The following AGO1 variants were observed in gnomAD, a reference collection of about 807,000 sequenced individuals.
The protein encoded by AGO1 is protein argonaute-1.
AGO1 carries 11 observed loss-of-function variants against 109.2 expected under a neutral mutation model. The observed-to-expected ratio is 0.10, with a 90% confidence interval of 0.06 to 0.17. The LOEUF (loss-of-function observed/expected upper bound fraction) is 0.17, where lower values mean the gene tolerates loss of function less well. Ranked by LOEUF, AGO1 falls within the 10% of genes least tolerant of loss-of-function variation. AGO1 has a pLI of 1.00. For missense variants in AGO1, 574 were observed against 1,140.3 expected, an observed-to-expected ratio of 0.50 and a Z score of 7.15; for synonymous variants, 422 against 418.6, an observed-to-expected ratio of 1.01 and a Z score of -0.10.
Position 35,923,125 on chromosome 1 carries a change from G to C in AGO1, c.*3518G>C, listed in dbSNP as rs1440747757. On this transcript the variant is annotated 3_prime_UTR_variant, in exon 19 of 19. Coordinates refer to ENST00000373204, the MANE Select transcript of AGO1 (RefSeq NM_012199.5). ...ATCGAGGTGCTACACTGGCCTCCAG[G>C]GATAAGCCTGGGGCTACTGTTGCTG... The C allele has an allele frequency of 2.0e-5, 3 of 152,256 alleles. No individual in the cohort carries two copies. The East Asian group carries it at 5.8e-4, about 29-fold the overall frequency. The allele number at this position is 152,256 out of a possible 1,614,324, so 9.4% of individuals were successfully genotyped here. A position where few individuals can be genotyped will look rare whatever the true frequency, so the allele number is the denominator to read the frequency against.
Position 35,915,205 on chromosome 1 carries a change from TAG to T in AGO1, c.1834-139_1834-138del, listed in dbSNP as rs1334811199. The T allele has an allele frequency of 7.5e-5, 47 of 629,750 alleles. No homozygotes were observed. In the East Asian group the frequency reaches 1.3e-3, roughly 17 times the overall value. 39.0% of individuals were successfully genotyped at this position (629,750 alleles called of 1,614,324 possible). A position where few individuals can be genotyped will look rare whatever the true frequency, so the allele number is the denominator to read the frequency against. On this transcript the variant is annotated intron_variant, in intron 14 of 18. Coordinates refer to ENST00000373204, the MANE Select transcript of AGO1 (RefSeq NM_012199.5). ...AGTAACTTCTGCTTGTGTGATAGAATAGAGATTGAAACCAGGGCTCACTGAGT... is the reference window on the plus strand; with the variant it reads ...AGTAACTTCTGCTTGTGTGATAGAATAGATTGAAACCAGGGCTCACTGAGT...
Position 35,918,316 on chromosome 1 carries a change from A to G in AGO1, c.2164-6A>G, listed in dbSNP as rs1371255235. ...TGGGATCTTGGTTGTGTTTGTCTCT[A>G]TACAGATTGGGAAGAGTGGTAACAT... On this transcript the variant is annotated splice_polypyrimidine_tract_variant and splice_region_variant and intron_variant, in intron 16 of 18. Transcript: ENST00000373204. The G allele has an allele frequency of 3.1e-6, 5 of 1,610,846 alleles. No individual in the cohort carries two copies. Among genetic ancestry groups the G allele is most frequent in the Middle Eastern group, 1.6e-4 (1 of 6,078 alleles).
chr1:35,896,158 C>T (rs1310098469), intron 8 of AGO1, among the ~76,000 whole-genome samples: 1 of 152,112 alleles, frequency 6.6e-6, no homozygotes, highest in East Asian at 1.9e-4. Context: ...CGCCACCACA[C>T]CCAGCTAATT....
In AGO1 at chr1:35,906,978, A is replaced by T; in HGVS notation, c.1441A>T (p.Met481Leu). Residue 481 changes from methionine (M) to leucine (L), a missense_variant, in exon 12 of 19, where the codon ATG (methionine) becomes TTG (leucine). By Grantham distance (15) the Met-to-Leu change is conservative. This residue lies in a region of AGO1 where 106 missense variants were observed against 147.8 expected (regional missense o/e 0.72). Coordinates refer to ENST00000373204, the MANE Select transcript of AGO1 (RefSeq NM_012199.5). ...QLRKISKDAGMPIQGQPCFCK... is the reference protein window; with the variant it reads ...QLRKISKDAGLPIQGQPCFCK... ...GCGGAAGATTTCCAAGGATGCGGGG[A>T]TGCCTATCCAGGGTCAACCTTGTTT... 6.2e-7 allele frequency: 1 copy of T among 1,614,086 alleles called. No individual in the cohort carries two copies. Among genetic ancestry groups the T allele is most frequent in the Non-Finnish European group, 8.5e-7 (1 of 1,179,998 alleles).
chr1:35,912,903 A>G (rs949860308), intron 12 of AGO1, among the ~76,000 whole-genome samples: 2 of 151,942 alleles, frequency 1.3e-5, no homozygotes, highest in African/African-American at 4.8e-5. Context: ...CTGGAAACTT[A>G]AAAGTTATCC....
chr1:35,876,239 A>G (rs1364672450), intron 1 of AGO1, among the ~76,000 whole-genome samples: 2 of 151,922 alleles, frequency 1.3e-5, no homozygotes, highest in Admixed American at 6.6e-5. Flanking sequence ...ACTTGAACAG[A>G]TGAGGAAATC....
In AGO1 at chr1:35,883,971, C is replaced by A. The variant is rs961880616; in HGVS notation, c.25+525C>A. 6.6e-6 allele frequency among the ~76,000 whole-genome samples: 1 copy of A among 152,182 alleles called. No individual in the cohort carries two copies. Among genetic ancestry groups the A allele is most frequent in the African/African-American group, 2.4e-5 (1 of 41,460 alleles). ...GGGTGGGGACCCAGTCCCGGGATTA[C>A]CCCCCGTGGGTCTGGGGAGTCGGAG... On this transcript the variant is annotated intron_variant, in intron 1 of 18. Coordinates refer to ENST00000373204, the MANE Select transcript of AGO1 (RefSeq NM_012199.5). The surrounding 1 kb of genome is among the most constrained non-coding windows in gnomAD (Gnocchi z 5.4).
Position 35,930,077 on chromosome 1 carries a change from A to C in AGO1, c.*10470A>C, listed in dbSNP as rs1353187187. 6.6e-6 allele frequency: 1 copy of C among 152,194 alleles called. No homozygotes were observed. The highest frequency in any genetic ancestry group is 1.5e-5 in the Non-Finnish European group (1 of 68,024). 9.4% of individuals were successfully genotyped at this position (152,194 alleles called of 1,614,324 possible). A position where few individuals can be genotyped will look rare whatever the true frequency, so the allele number is the denominator to read the frequency against. On this transcript the variant is annotated 3_prime_UTR_variant, in exon 19 of 19. Coordinates refer to ENST00000373204, the MANE Select transcript of AGO1 (RefSeq NM_012199.5). ...TATGAATGATTCCTCAGCCTGAATA[A>C]AATAGTATGTTTCATTAAGGCAACA...
Position 35,921,613 on chromosome 1 carries a change from C to T in AGO1, c.*2006C>T, listed in dbSNP as rs1180986599. 1.3e-5 allele frequency: 2 copies of T among 152,704 alleles called. No homozygotes were observed. The highest frequency in any genetic ancestry group is 4.8e-5 in the African/African-American group (2 of 41,464). 9.5% of individuals were successfully genotyped at this position (152,704 alleles called of 1,614,324 possible). A position where few individuals can be genotyped will look rare whatever the true frequency, so the allele number is the denominator to read the frequency against. The stretch of plus-strand genomic sequence containing the variant: ...CCTGTAGAGTTAGAACTACCATTTC[C>T]TCCCCTTAGCTGCCCTTGTATGACC... On this transcript the variant is annotated 3_prime_UTR_variant, in exon 19 of 19. Transcript: ENST00000373204.
upstream of AGO1, among the ~76,000 whole-genome samples, chr1:35,879,381 G>A (rs901103631): frequency 1.3e-5 from 2 of 152,062 alleles, no homozygotes; most frequent in African/African-American, 4.8e-5. Flanking sequence ...CCGGGAGGTG[G>A]AAGTTACTGT....
rs112435049 is a variant in AGO1, at chr1:35,884,464, A to G, written c.25+1018A>G. ...AGTGATGGGGGCTTTTAATCCAAAG[A>G]TTTTCCATTGAATTGTCTGTTAAGG... On this transcript the variant is annotated intron_variant, in intron 1 of 18. Transcript: ENST00000373204. Among the ~76,000 whole-genome samples, 13 of 152,098 alleles carry G rather than the reference A, an allele frequency of 8.5e-5. 2 individuals are homozygous for G. The highest frequency in any genetic ancestry group is 2.9e-4 in the African/African-American group (12 of 41,468).
chr1:35,910,291 C>T (rs560593630), intron 12 of AGO1, among the ~76,000 whole-genome samples: 3 of 151,746 alleles, frequency 2.0e-5, no homozygotes, highest in South Asian at 2.1e-4. Context: ...GCCCTGAGAG[C>T]GTAGAAGGAC....
At chr1:35,882,955 T>C, upstream of AGO1, 1 of 966,100 alleles carries the variant, frequency 1.0e-6, no homozygotes, top group Non-Finnish European at 1.2e-6. The surrounding 1 kb of genome is among the most constrained non-coding windows in gnomAD (Gnocchi z 5.1). Context: ...GGGACCTATT[T>C]GGGGAAAAGA....
rs144019442 is a variant in AGO1 at position 35,897,087 on chromosome 1, A to AG, written c.1020+1819dup. Among the ~76,000 whole-genome samples, 1,017 of 152,338 alleles carry AG rather than the reference A, an allele frequency of 6.7e-3. 8 individuals are homozygous for AG. Among genetic ancestry groups the AG allele is most frequent in the African/African-American group, 0.023 (965 of 41,566 alleles). On this transcript the variant is annotated intron_variant, in intron 8 of 18. Transcript: ENST00000373204. Reference sequence around the variant, plus strand: ...CTAGGAACATGGAGATTAACAAGACAGACAAGGTCCCAGCTGTTATGGAGC... The same window carrying AG: ...CTAGGAACATGGAGATTAACAAGACAGGACAAGGTCCCAGCTGTTATGGAGC...
At chr1:35,870,415 C>T (rs557997909) in intron 1 of AGO1, among the ~76,000 whole-genome samples, 1 of 152,230 alleles carries the variant, frequency 6.6e-6, no homozygotes, top group Admixed American at 6.5e-5. Context: ...TCCCGAGTAG[C>T]TGGGACTATA....
Position 35,893,357 on chromosome 1 carries a change from G to A in AGO1, c.512+79G>A. ...GGGAGGAGGGGGAGCACATATTAAG[G>A]TCCCACAGAGTGCCATTAAAAAAAA... On this transcript the variant is annotated intron_variant, in intron 4 of 18. Transcript: ENST00000373204. The surrounding 1 kb of genome is among the most constrained non-coding windows in gnomAD (Gnocchi z 5.6). 1 of 1,456,640 alleles carries A rather than the reference G, an allele frequency of 6.9e-7. No homozygotes were observed. Among genetic ancestry groups the A allele is most frequent in the African/African-American group, 1.4e-5 (1 of 70,410 alleles). The allele number at this position is 1,456,640 out of a possible 1,614,324, so 90.2% of individuals were successfully genotyped here.
intron 1 of AGO1, among the ~76,000 whole-genome samples, chr1:35,885,706 G>A (rs1195060123): frequency 6.6e-6 from 1 of 152,238 alleles, no homozygotes; most frequent in Admixed American, 6.5e-5. Flanking sequence ...GTGCTCAGGT[G>A]TGTTCCAAGC....
chr1:35,872,575 C>CT (rs1280124655), intron 1 of AGO1, among the ~76,000 whole-genome samples: 7 of 150,462 alleles, frequency 4.7e-5, no homozygotes, highest in South Asian at 2.1e-4. Flanking sequence ...TATTTCTATT[C>CT]TTTTTTTTTC....
At chr1:35,883,118 C>T (rs1425251322), upstream of AGO1, 1 of 1,089,096 alleles carries the variant, frequency 9.2e-7, no homozygotes. This position sits in a 1 kb window ranked among gnomAD's most constrained non-coding sequence, Gnocchi z 5.4. Context: ...CCCCGGTGCC[C>T]CCGCCCCTCT....
Sources: allele counts gnomAD v4.1 joint callset (sites outside exome capture counted in the v4.1 genomes callset), GRCh38; gene constraint gnomAD v4.1.1; regional missense constraint gnomAD v4.1.1; non-coding constraint Gnocchi (gnomAD v3.1); transcripts MANE v1.5; gene names NCBI Gene and HGNC (gene_info 2026-07-23, HGNC 2026-07-21).